The following STIM2 variants were observed in gnomAD, a reference collection of about 807,000 sequenced individuals.
STIM2 encodes the protein stromal interaction molecule 2.
STIM2 carries 31 observed loss-of-function variants against 85.8 expected under a neutral mutation model. The observed-to-expected ratio is 0.36, with a 90% CI of 0.27 to 0.49. The LOEUF (loss-of-function observed/expected upper bound fraction) is 0.49. Ranked by LOEUF, STIM2 falls within the 20% of genes least tolerant of loss-of-function variation. The pLI is 0.98. For missense variants in STIM2, 841 were observed against 927.6 expected (o/e 0.91, Z 1.21); for synonymous variants, 356 against 331.1 (o/e 1.08, Z -0.82).
intron 1 of STIM2, among the ~76,000 whole-genome samples, chr4:26,878,137 C>G (rs1182812457): frequency 6.6e-6 from 1 of 152,202 alleles, no homozygotes; most frequent in Non-Finnish European, 1.5e-5. Context: ...CAGCTATCAG[C>G]AACATCCTGT....
At position 27,023,199 on chromosome 4, in the gene STIM2, A is replaced by G. The variant is rs910007872; in HGVS notation, c.*203A>G. 2.1e-5 allele frequency: 12 copies of G among 562,860 alleles called. No individual in the cohort carries two copies. Among genetic ancestry groups the G allele is most frequent in the African/African-American group, 1.5e-4 (8 of 53,460 alleles). 34.9% of individuals were successfully genotyped at this position (562,860 alleles called of 1,614,324 possible). A position where few individuals can be genotyped will look rare whatever the true frequency, so the allele number is the denominator to read the frequency against. On this transcript the variant is annotated 3_prime_UTR_variant, in exon 12 of 12. Transcript: ENST00000467087. ...GTGACTATATATAATCAATTCATCA[A>G]GCCAGTTATTACTGAAAAATCATTG...
chr4:26,904,915 A>G (rs1724066757), intron 1 of STIM2, among the ~76,000 whole-genome samples: 1 of 152,172 alleles, frequency 6.6e-6, no homozygotes, highest in Admixed American at 6.5e-5. Context: ...GTAGGGATTG[A>G]CATATAGAAA....
intron 11 of STIM2, chr4:27,021,053 C>T (rs2109148317): frequency 1.3e-6 from 2 of 1,534,250 alleles, no homozygotes; most frequent in East Asian, 2.4e-5. Context: ...AGTAGTAAAG[C>T]TCTCAAAAAA....
chr4:26,920,051 G>A (rs927479225), intron 2 of STIM2, among the ~76,000 whole-genome samples: 9 of 152,176 alleles, frequency 5.9e-5, no homozygotes, highest in Admixed American at 2.0e-4. Flanking sequence ...GGTCACTATG[G>A]AAGTTGCATT....
At chr4:26,912,164 A>T (rs890359660) in intron 1 of STIM2, among the ~76,000 whole-genome samples, 1 of 152,254 alleles carries the variant, frequency 6.6e-6, no homozygotes, top group Non-Finnish European at 1.5e-5. Flanking sequence ...ATACTTATTT[A>T]AAAAGTTCTC....
intron 7 of STIM2, among the ~76,000 whole-genome samples, chr4:27,005,656 T>C (rs1728308838): frequency 6.6e-6 from 1 of 152,188 alleles, no homozygotes; most frequent in African/African-American, 2.4e-5. Context: ...AAATGAAACA[T>C]TCATGAGTAA....
At chr4:26,922,307 A>G (rs192144868) in intron 2 of STIM2, among the ~76,000 whole-genome samples, 1 of 152,242 alleles carries the variant, frequency 6.6e-6, no homozygotes, top group East Asian at 1.9e-4. Context: ...TAAAATTATT[A>G]TTGTACATTT....
At chr4:26,993,664 A>C (rs1262027193) in intron 3 of STIM2, among the ~76,000 whole-genome samples, 1 of 152,178 alleles carries the variant, frequency 6.6e-6, no homozygotes, top group Non-Finnish European at 1.5e-5. Flanking sequence ...TTAAATGCAG[A>C]CAGTATAGAA....
intron 3 of STIM2, among the ~76,000 whole-genome samples, chr4:26,965,288 CA>C (rs1222432939): frequency 3.3e-5 from 5 of 152,100 alleles, no homozygotes; most frequent in Admixed American, 2.6e-4. Context: ...TAGGTGACAC[CA>C]GTATGTTGCT....
intron 1 of STIM2, among the ~76,000 whole-genome samples, chr4:26,877,612 G>T (rs1019295143): frequency 1.8e-4 from 28 of 151,756 alleles, no homozygotes; most frequent in Non-Finnish European, 4.4e-5. Context: ...CACACTGTTG[G>T]TATGGTAGGT....
At chr4:27,019,612 C>T in intron 11 of STIM2, 2 of 617,648 alleles carry the variant, frequency 3.2e-6, no homozygotes, top group Non-Finnish European at 5.0e-6. Context: ...TTTTCTTCCT[C>T]TTCATTTTCA....
intron 1 of STIM2, among the ~76,000 whole-genome samples, chr4:26,903,461 G>A (rs1413114928): frequency 6.6e-6 from 1 of 152,058 alleles, no homozygotes; most frequent in Middle Eastern, 3.2e-3. Context: ...TAATGAACTA[G>A]TTATTTCTGT....
chr4:26,887,725 T>C (rs1723312069), intron 1 of STIM2, among the ~76,000 whole-genome samples: 1 of 152,216 alleles, frequency 6.6e-6, no homozygotes, highest in South Asian at 2.1e-4. Flanking sequence ...ATTAATAATA[T>C]AATTTTATAT....
At chr4:26,943,241 G>T (rs926921252) in intron 2 of STIM2, among the ~76,000 whole-genome samples, 1 of 151,710 alleles carries the variant, frequency 6.6e-6, no homozygotes, top group African/African-American at 2.4e-5. Context: ...TCAATTATTT[G>T]GTTTCCTGTT....
chr4:26,968,494 A>G (rs1300118553), intron 3 of STIM2, among the ~76,000 whole-genome samples: 1 of 152,146 alleles, frequency 6.6e-6, no homozygotes, highest in Admixed American at 6.5e-5. Context: ...AGAAAGTAGA[A>G]TGTTTGGTTG....
At position 26,913,859 on chromosome 4, in the gene STIM2, C is replaced by T. The variant is rs181935610; in HGVS notation, c.152-5645C>T. On this transcript the variant is annotated intron_variant, in intron 1 of 11. Transcript: ENST00000467087. Reference sequence around the variant, plus strand: ...GATCAAAACAAAGCCTGTGATCTCACGGTTGCATTATGGCGGGAGAGTTAG... The same window carrying T: ...GATCAAAACAAAGCCTGTGATCTCATGGTTGCATTATGGCGGGAGAGTTAG... 8.3e-4 allele frequency among the ~76,000 whole-genome samples: 127 copies of T among 152,296 alleles called. 1 individual carries two copies. Among genetic ancestry groups the T allele is most frequent in the African/African-American group, 2.8e-3 (117 of 41,568 alleles).
At chr4:26,882,477 A>G (rs1723050834) in intron 1 of STIM2, among the ~76,000 whole-genome samples, 1 of 144,604 alleles carries the variant, frequency 6.9e-6, no homozygotes, top group African/African-American at 2.7e-5. Context: ...TTGTTTTTTG[A>G]GACAGGGTCT....
chr4:27,007,132 A>G (rs781579880), intron 7 of STIM2, among the ~76,000 whole-genome samples: 22 of 152,212 alleles, frequency 1.4e-4, no homozygotes, highest in Non-Finnish European at 2.9e-4. Flanking sequence ...TGAAATATGC[A>G]TTATGGGAAA....
At position 27,007,668 on chromosome 4, in the gene STIM2, G is replaced by A; in HGVS notation, c.1117G>A (p.Ala373Thr). The A allele has an allele frequency of 6.3e-7, 1 of 1,582,114 alleles. No homozygotes were observed. Among genetic ancestry groups the A allele is most frequent in the Non-Finnish European group, 8.6e-7 (1 of 1,167,882 alleles). Residue 373 changes from alanine (A) to threonine (T), a missense_variant, in exon 8 of 12, where the codon GCT becomes ACT. This residue lies in a region of STIM2 where 408 missense variants were observed against 525.4 expected (regional missense o/e 0.78). Transcript: ENST00000467087. Reference sequence around the variant, plus strand: ...ATACTACAATATTAAAAGACAAAACGCTGAAATGCAGCTAGCTATTGCTAA... The same window carrying A: ...ATACTACAATATTAAAAGACAAAACACTGAAATGCAGCTAGCTATTGCTAA...
Sources: allele counts gnomAD v4.1 joint callset (sites outside exome capture counted in the v4.1 genomes callset), GRCh38; gene constraint gnomAD v4.1.1; regional missense constraint gnomAD v4.1.1; transcripts MANE v1.5; gene names NCBI Gene and HGNC (gene_info 2026-07-23, HGNC 2026-07-21).